Variants in ZNF487 observed in about 807,000 individuals in gnomAD.
ZNF487 encodes the protein zinc finger protein 487, also known as KRAB domain only 1.
ZNF487 carries 4 observed loss-of-function variants against 3.0 expected under a neutral mutation model. The ratio of observed to expected loss-of-function variants is 1.35; its 90% CI spans 0.66 to 3.08. The LOEUF (loss-of-function observed/expected upper bound fraction) is 3.08. ZNF487 is among the 30% of genes most tolerant of loss of function. ZNF487 has a pLI of 0.01. For missense variants in ZNF487, 146 were observed against 98.7 expected, an observed-to-expected ratio of 1.48 and a Z score of -2.03; for synonymous variants, 55 against 34.6, an observed-to-expected ratio of 1.59 and a Z score of -2.06.
At chr10:43,507,202 C>T in the ZNF487 span, among the ~76,000 whole-genome samples, 74 of 152,282 alleles carry the variant, frequency 4.9e-4, no homozygotes, top group Admixed American at 4.2e-3. Flanking sequence ...CAGCTTACCA[C>T]GAGTCAGGCC....
At chr10:43,495,329 C>T in the ZNF487 span, among the ~76,000 whole-genome samples, 25 of 151,914 alleles carry the variant, frequency 1.6e-4, no homozygotes, top group Middle Eastern at 6.8e-3. Context: ...CTGCAACCTC[C>T]GCCTCCCAGG....
the ZNF487 span, among the ~76,000 whole-genome samples, chr10:43,506,948 C>T: frequency 8.2e-4 from 125 of 152,286 alleles, no homozygotes; most frequent in African/African-American, 2.8e-3. Flanking sequence ...GGATAACTGG[C>T]TCCATGATAC....
the ZNF487 span, among the ~76,000 whole-genome samples, chr10:43,493,420 C>A: frequency 6.6e-6 from 1 of 151,840 alleles, no homozygotes; most frequent in Non-Finnish European, 1.5e-5. Context: ...AACAACCTGG[C>A]GTGATGGCTC....
At chr10:43,441,531 T>G (rs958015141) in intron 1 of ZNF487, among the ~76,000 whole-genome samples, 2 of 151,806 alleles carry the variant, frequency 1.3e-5, no homozygotes, top group Non-Finnish European at 2.9e-5. Context: ...CCTCCTAAAG[T>G]TCTGGGATTA....
the ZNF487 span, among the ~76,000 whole-genome samples, chr10:43,504,293 C>CTTTTTTTTTTTTT: frequency 3.9e-4 from 42 of 108,938 alleles, 1 homozygote; most frequent in East Asian, 1.1e-3. Flanking sequence ...TTCTTTCTTT[C>CTTTTTTTTTTTTT]TTTTTTTTTT....
the ZNF487 span, among the ~76,000 whole-genome samples, chr10:43,498,089 ATATATATATATTTTTTTTTTTTTTCTTTT>A: frequency 3.4e-4 from 5 of 14,620 alleles, no homozygotes; most frequent in Middle Eastern, 0.062. Flanking sequence ...ATATATATAT[ATATATATATATTTTTTTTTTTTTTCTTTT>A]TTTTTTTTTT....
chr10:43,521,994 A>T, the ZNF487 span, among the ~76,000 whole-genome samples: 2 of 152,202 alleles, frequency 1.3e-5, no homozygotes, highest in Admixed American at 1.3e-4. Flanking sequence ...TTTGATGGCT[A>T]TGACAGGTTC....
intron 1 of ZNF487, chr10:43,458,265 G>A (rs916841318): frequency 3.3e-5 from 5 of 152,178 alleles, no homozygotes; most frequent in Admixed American, 1.3e-4. Flanking sequence ...GTACATTTTA[G>A]GGAGACATGA....
chr10:43,464,513 C>T (rs1375626959), intron 1 of ZNF487, among the ~76,000 whole-genome samples: 1 of 151,976 alleles, frequency 6.6e-6, no homozygotes, highest in Non-Finnish European at 1.5e-5. Context: ...GGCAGAGGAC[C>T]CTGCGGCCTT....
intron 1 of ZNF487, among the ~76,000 whole-genome samples, chr10:43,472,775 C>A (rs905303419): frequency 1.3e-5 from 2 of 152,116 alleles, no homozygotes; most frequent in African/African-American, 4.8e-5. Flanking sequence ...ACCAAATGTG[C>A]CCTTTTCCTG....
intron 1 of ZNF487, among the ~76,000 whole-genome samples, chr10:43,461,384 A>C (rs935248900): frequency 5.3e-5 from 8 of 151,284 alleles, no homozygotes; most frequent in Admixed American, 2.0e-4. Context: ...TGGTGTGATG[A>C]TCATAACTCA....
chr10:43,456,693 G>A (rs1303122916), intron 1 of ZNF487, among the ~76,000 whole-genome samples: 1 of 152,124 alleles, frequency 6.6e-6, no homozygotes, highest in Non-Finnish European at 1.5e-5. Flanking sequence ...CGATTCTCCT[G>A]CCTCAGCCTC....
chr10:43,487,306 A>AT (rs765676568), downstream of ZNF487, among the ~76,000 whole-genome samples: 1 of 151,870 alleles, frequency 6.6e-6, no homozygotes, highest in East Asian at 1.9e-4. Flanking sequence ...TGCCTGGCTA[A>AT]TTTTTTGTGT....
Position 43,480,788 on chromosome 10 carries a change from C to T in ZNF487, c.131-641C>T, listed in dbSNP as rs532030728. Among the ~76,000 whole-genome samples the T allele has an allele frequency of 2.0e-5, 3 of 151,660 alleles. No homozygotes were observed. In the South Asian group the frequency reaches 6.3e-4, roughly 32 times the overall value. ...AGAGTTCAGAGCTTTTATTTTCTTC[C>T]ATTAATTGCAAAGAGTAGAAAATTG... is the stretch of plus-strand genomic sequence containing the variant. On this transcript the variant is annotated intron_variant, in intron 3 of 3. Coordinates refer to ENST00000437590, the MANE Select transcript of ZNF487 (RefSeq NM_001355444.3).
At chr10:43,495,043 T>C in the ZNF487 span, among the ~76,000 whole-genome samples, 3 of 152,054 alleles carry the variant, frequency 2.0e-5, no homozygotes, top group Non-Finnish European at 4.4e-5. Context: ...TAACTTATGA[T>C]AAAATATTTA....
chr10:43,437,075 G>A (rs1360758274), upstream of ZNF487: 1 of 306,934 alleles, frequency 3.3e-6, no homozygotes, highest in African/African-American at 2.4e-5. Flanking sequence ...GGGCGCCCGG[G>A]ATTCGCGCAG....
At chr10:43,487,535 C>T (rs371394804), downstream of ZNF487, among the ~76,000 whole-genome samples, 1 of 151,522 alleles carries the variant, frequency 6.6e-6, no homozygotes, top group Non-Finnish European at 1.5e-5. Context: ...CTGCAGACTC[C>T]GCCTCCCGGG....
the ZNF487 span, among the ~76,000 whole-genome samples, chr10:43,513,338 C>CCA: frequency 6.6e-6 from 1 of 152,230 alleles, no homozygotes; most frequent in Non-Finnish European, 1.5e-5. Context: ...TGGCTGCATA[C>CCA]CACCTACCAG....
intron 1 of ZNF487, among the ~76,000 whole-genome samples, chr10:43,468,174 T>C (rs770100373): frequency 6.6e-6 from 1 of 152,194 alleles, no homozygotes; most frequent in Non-Finnish European, 1.5e-5. Context: ...TTGCTTCTTA[T>C]GCGTGAGATA....
Sources: gnomAD v4.1 joint callset for allele counts (sites outside exome capture counted in the v4.1 genomes callset) on GRCh38, gnomAD v4.1.1 for gene constraint, MANE v1.5 for transcripts, NCBI Gene and HGNC (gene_info 2026-07-23, HGNC 2026-07-21) for gene names.